BOP1: variants seen among roughly 807,000 people sequenced by gnomAD.
The protein encoded by BOP1 is ribosome biogenesis protein BOP1.
BOP1 carries 54 observed loss-of-function variants against 82.9 expected under a neutral mutation model. That is an observed-to-expected ratio of 0.65 (90% CI 0.52 to 0.82). The LOEUF (loss-of-function observed/expected upper bound fraction) is 0.82, where lower values mean the gene tolerates loss of function less well. Ranked by LOEUF, BOP1 falls within the 40% of genes least tolerant of loss-of-function variation. The pLI is 0.00. For synonymous variants in BOP1, 566 were observed against 451.1 expected (o/e 1.25, Z -3.23); for missense variants, 1,170 against 1,072.0 (o/e 1.09, Z -1.28).
At chr8:144,284,924 C>CGAG (rs1554839311) in intron 2 of BOP1, among the ~76,000 whole-genome samples, 1 of 152,204 alleles carries the variant, frequency 6.6e-6, no homozygotes, top group East Asian at 1.9e-4. Flanking sequence ...TGGCAGGTCG[C>CGAG]CAGGTCTCCA....
chr8:144,266,913 G>A (rs1845383572), intron 3 of BOP1: 17 of 1,548,770 alleles, frequency 1.1e-5, no homozygotes, highest in South Asian at 4.6e-5. Flanking sequence ...CGCTGCGCAC[G>A]CTGATCCCCA....
At chr8:144,275,961 CAG>C (rs1845562423) in intron 3 of BOP1, among the ~76,000 whole-genome samples, 2 of 152,126 alleles carry the variant, frequency 1.3e-5, no homozygotes, top group African/African-American at 2.4e-5. Flanking sequence ...AGGCCAGACA[CAG>C]GGGCATGGAG....
rs1845313264 is a variant in BOP1 at position 144,264,570 on chromosome 8, G to A, written c.710C>T (p.Thr237Ile). The change falls in exon 6 of 16, where the codon ACC becomes ATC. Residue 237 changes from threonine to isoleucine, a missense_variant. Physicochemically the swap from Thr to Ile is moderately conservative, Grantham distance 89. Transcript: ENST00000569669. ...GCTGCGCTTGTCGGCCGGGCGGTTG[G>A]TCACCGGGTGGATCATGACGTCCCC... ...FSGDVMIHPV[T>I]NRPADKRSFI... is the part of the protein sequence containing the mutation. 6.2e-7 allele frequency: 1 copy of A among 1,609,472 alleles called. No individual in the cohort carries two copies. Among genetic ancestry groups the A allele is most frequent in the Non-Finnish European group, 8.5e-7 (1 of 1,178,574 alleles).
chr8:144,276,256 C>T lies in BOP1; in HGVS notation c.358G>A (p.Asp120Asn). The change falls in exon 3 of 16, where the codon GAT (aspartate) becomes AAT (asparagine). Residue 120 changes from aspartate (D) to asparagine (N), a missense_variant. Asp to Asn is a conservative substitution (Grantham distance 23, BLOSUM62 1). Coordinates refer to ENST00000569669, the MANE Select transcript of BOP1 (RefSeq NM_015201.5). ...RTEMASARIG[D>N]EYAEDSSDEE... The stretch of plus-strand genomic sequence containing the variant: ...TCAGAGCTGTCCTCCGCATACTCAT[C>T]CCCAATCCGGGCGCTCGCCATCTCT... The T allele has an allele frequency of 3.7e-6, 6 of 1,613,676 alleles. No individual in the cohort carries two copies. The South Asian group carries it at 4.4e-5, about 12-fold the overall frequency.
intron 2 of BOP1, among the ~76,000 whole-genome samples, chr8:144,282,583 A>G: frequency 6.6e-6 from 1 of 151,440 alleles, no homozygotes; most frequent in East Asian, 1.9e-4. Context: ...AATAAATCAA[A>G]CCCACTGGCC....
chr8:144,262,953 G>T lies in BOP1; in HGVS notation c.1794C>A (p.Ser598=). Residue 598 remains serine (S), a synonymous_variant, in exon 13 of 16, where the codon TCC becomes TCA. Transcript: ENST00000569669. ...GGTGGTAGAGGCGGACGCTGCGCTGGGACGCCACCAACAGGAAGGGCCGGG... is the reference window on the plus strand; with the variant it reads ...GGTGGTAGAGGCGGACGCTGCGCTGTGACGCCACCAACAGGAAGGGCCGGG... ...HPARPFLLVA[S]QRSVRLYHLL... is the part of the protein sequence containing the mutation. 2 of 1,547,542 alleles carry T rather than the reference G, an allele frequency of 1.3e-6. No homozygotes were observed. The highest frequency in any genetic ancestry group is 1.7e-6 in the Non-Finnish European group (2 of 1,153,150).
Position 144,276,264 on chromosome 8 carries a change from C to T in BOP1, c.350G>A (p.Arg117Gln), listed in dbSNP as rs1344926317. The T allele has an allele frequency of 2.3e-5, 37 of 1,613,528 alleles. No homozygotes were observed. The highest frequency in any genetic ancestry group is 1.1e-4 in the African/African-American group (8 of 74,920). The change falls in exon 3 of 16, where the codon CGG becomes CAG. Residue 117 changes from arginine to glutamine, a missense_variant. By Grantham distance (43) the Arg-to-Gln change is conservative (BLOSUM62 1). Coordinates refer to ENST00000569669, the MANE Select transcript of BOP1 (RefSeq NM_015201.5). ...GTCCTCCGCATACTCATCCCCAATC[C>T]GGGCGCTCGCCATCTCTGTCCTCGG... ...PCPRTEMASA[R>Q]IGDEYAEDSS...
chr8:144,271,817 G>A (rs1338323444), intron 3 of BOP1, among the ~76,000 whole-genome samples: 5 of 152,172 alleles, frequency 3.3e-5, no homozygotes, highest in Admixed American at 1.3e-4. Context: ...GCTCCGGCCC[G>A]GCTCCCGCCA....
chr8:144,262,278 C>T lies in BOP1; in HGVS notation c.2127G>A (p.Val709=). 6.2e-7 allele frequency: 1 copy of T among 1,612,846 alleles called. No homozygotes were observed. The highest frequency in any genetic ancestry group is 8.5e-7 in the Non-Finnish European group (1 of 1,179,810). The change falls in exon 16 of 16, where the codon GTG becomes GTA. Residue 709 remains valine, a synonymous_variant. Coordinates refer to ENST00000569669, the MANE Select transcript of BOP1 (RefSeq NM_015201.5). ...CTCGGGTCAGCACGTGTCCCTTCAGCACCTTGACGGGCACCAGCAAGGGGT... is the reference window on the plus strand; with the variant it reads ...CTCGGGTCAGCACGTGTCCCTTCAGTACCTTGACGGGCACCAGCAAGGGGT... ...LQNPLLVPVK[V]LKGHVLTRDL...
At chr8:144,277,237 G>C (rs1845581467) in intron 2 of BOP1, among the ~76,000 whole-genome samples, 2 of 151,888 alleles carry the variant, frequency 1.3e-5, no homozygotes, top group African/African-American at 4.8e-5. Flanking sequence ...TATAAAGAGA[G>C]ATGGGAGACT....
In BOP1 at chr8:144,270,610, C is replaced by T. The variant is rs914906527; in HGVS notation, c.391-5539G>A. ...GGGGAGGGGCGGGGGAGGAACACTC[C>T]GTCACCCTCCACTGCTCCAGAAATT... On this transcript the variant is annotated intron_variant, in intron 3 of 15. Transcript: ENST00000569669. Among the ~76,000 whole-genome samples, 14 of 152,266 alleles carry T rather than the reference C, an allele frequency of 9.2e-5. No individual in the cohort carries two copies. In the East Asian group the frequency reaches 1.2e-3, roughly 13 times the overall value.
At position 144,264,025 on chromosome 8, in the gene BOP1, G is replaced by A. The variant is rs1588588335; in HGVS notation, c.1096C>T (p.Arg366Cys). Residue 366 changes from arginine to cysteine, a missense_variant, in exon 8 of 16, where the codon CGC becomes TGC. Coordinates refer to ENST00000569669, the MANE Select transcript of BOP1 (RefSeq NM_015201.5). ...YGRFIQERFE[R>C]CLDLYLCPRQ... The stretch of plus-strand genomic sequence containing the variant: ...GGGCACAGGTACAGGTCAAGGCAGC[G>A]CTCGAAGCGTTCCTGGATGAAGCGT... 3 of 1,608,714 alleles carry A rather than the reference G, an allele frequency of 1.9e-6. No homozygotes were observed. The highest frequency in any genetic ancestry group is 2.5e-6 in the Non-Finnish European group (3 of 1,179,756).
chr8:144,263,370 G>C lies in BOP1; in HGVS notation c.1456C>G (p.Leu486Val), dbSNP rs1198425931. ...CTGCCCGCCACCAGCCGGTCCCCCA[G>C]AGCTGGGTTCAGCAGCAGCACCGAG... is the stretch of plus-strand genomic sequence containing the variant. ...EDSVLLLNPA[L>V]GDRLVAGSTD... Residue 486 changes from leucine to valine, a missense_variant, in exon 12 of 16, where the codon CTG becomes GTG. Coordinates refer to ENST00000569669, the MANE Select transcript of BOP1 (RefSeq NM_015201.5). The C allele has an allele frequency of 2.6e-5, 41 of 1,597,290 alleles. No individual in the cohort carries two copies. The highest frequency in any genetic ancestry group is 2.0e-4 in the Middle Eastern group (1 of 5,120).
In BOP1 at chr8:144,263,768, A is replaced by AGGC. The variant is rs1170824444; in HGVS notation, c.1222-10_1222-8dup. On this transcript the variant is annotated splice_polypyrimidine_tract_variant and splice_region_variant and intron_variant, in intron 9 of 15. Coordinates refer to ENST00000569669, the MANE Select transcript of BOP1 (RefSeq NM_015201.5). ...CACTGTGGCCCCTGTAGACCTGAGG[A>AGGC]GGCGGCGGCAGTGAGGAGTCAGACT... is the stretch of plus-strand genomic sequence containing the variant. 168,712 of 1,589,606 alleles carry AGGC rather than the reference A, an allele frequency of 0.11. 10,462 individuals are homozygous for AGGC. The highest frequency in any genetic ancestry group is 0.25 in the African/African-American group (18,311 of 74,444).
Position 144,262,448 on chromosome 8 carries a change from C to CAAAG in BOP1, c.2031_2034dup (p.Ala679LeufsTer20). The CAAAG allele has an allele frequency of 6.2e-7, 1 of 1,612,934 alleles. No individual in the cohort carries two copies. The highest frequency in any genetic ancestry group is 8.5e-7 in the Non-Finnish European group (1 of 1,179,834). ...ACACTGCCGTCGTCCGAGCCTGACG[C>CAAAG]AAAGAGTGGGTACCGCGGGTGGAAG... On this transcript the variant is annotated frameshift_variant, in exon 15 of 16. Coordinates refer to ENST00000569669, the MANE Select transcript of BOP1 (RefSeq NM_015201.5). LOFTEE classifies it high-confidence loss of function.
Position 144,272,999 on chromosome 8 carries a change from G to C in BOP1, c.390+3225C>G, listed in dbSNP as rs955749482. Among the ~76,000 whole-genome samples, 3 of 152,340 alleles carry C rather than the reference G, an allele frequency of 2.0e-5. No homozygotes were observed. In the East Asian group the frequency reaches 5.8e-4, roughly 29 times the overall value. ...CAGCAGCCCCCTCGGAGGCAGGCATGCAGGCGGCCGCGGGGGTGGATGGCC... is the reference window on the plus strand; with the variant it reads ...CAGCAGCCCCCTCGGAGGCAGGCATCCAGGCGGCCGCGGGGGTGGATGGCC... On this transcript the variant is annotated intron_variant, in intron 3 of 15. Transcript: ENST00000569669.
chr8:144,272,402 G>A (rs948361571), intron 3 of BOP1, among the ~76,000 whole-genome samples: 7 of 152,220 alleles, frequency 4.6e-5, no homozygotes, highest in South Asian at 2.1e-4. Context: ...GCCTTGGGAC[G>A]TACACCCAGA....
intron 2 of BOP1, among the ~76,000 whole-genome samples, chr8:144,277,925 T>C (rs1439117741): frequency 3.6e-5 from 4 of 111,888 alleles, no homozygotes; most frequent in African/African-American, 1.1e-4. Context: ...ACTTAAAAAT[T>C]AGAGGAAAAG....
chr8:144,268,897 C>T (rs567912584), intron 3 of BOP1, among the ~76,000 whole-genome samples: 5,471 of 152,212 alleles, frequency 0.036, 101 homozygotes, highest in Middle Eastern at 0.071. Flanking sequence ...GTGAGGAGGG[C>T]GCTGCAGGTG....
Sources: gnomAD v4.1 joint callset for allele counts (sites outside exome capture counted in the v4.1 genomes callset) on GRCh38, gnomAD v4.1.1 for gene constraint, MANE v1.5 for transcripts, NCBI Gene and HGNC (gene_info 2026-07-23, HGNC 2026-07-21) for gene names.